The following TSHZ2 variants were observed in gnomAD, a reference collection of about 807,000 sequenced individuals.
The protein encoded by TSHZ2 is teashirt zinc finger homeobox 2.
In TSHZ2, 21 loss-of-function variants were observed where a neutral mutation model predicts 74.4. The observed-to-expected ratio is 0.28, with a 90% confidence interval of 0.20 to 0.41. TSHZ2 has a LOEUF of 0.41. Among genes scored for constraint, TSHZ2 ranks in the 10% least tolerant of loss-of-function variants. The pLI is 1.00. For missense variants in TSHZ2, 1,244 were observed against 1,293.5 expected (o/e 0.96, Z 0.59); for synonymous variants, 540 against 515.3 (o/e 1.05, Z -0.65).
chr20:53,419,709 C>T (rs1461888699), intron 2 of TSHZ2, among the ~76,000 whole-genome samples: 1 of 152,218 alleles, frequency 6.6e-6, no homozygotes, highest in Non-Finnish European at 1.5e-5. Context: ...ATAGCTATGA[C>T]CACTGGGAGA....
chr20:52,978,470 A>T (rs1187164364), intron 1 of TSHZ2, among the ~76,000 whole-genome samples: 1 of 152,196 alleles, frequency 6.6e-6, no homozygotes, highest in African/African-American at 2.4e-5. Context: ...AGACTCAGCC[A>T]CTATTTCGAA....
chr20:53,179,909 C>A (rs1988430082), intron 1 of TSHZ2, among the ~76,000 whole-genome samples: 1 of 152,174 alleles, frequency 6.6e-6, no homozygotes, highest in Admixed American at 6.5e-5. Context: ...CTCTGTTGTT[C>A]TCCTTTAAAA....
chr20:53,463,380 G>GA (rs1985441986), intron 2 of TSHZ2, among the ~76,000 whole-genome samples: 1 of 68,618 alleles, frequency 1.5e-5, no homozygotes. Flanking sequence ...CAGAGAGAGA[G>GA]AGGAAGGAAG....
At chr20:53,362,830 G>A (rs1417582070) in intron 2 of TSHZ2, among the ~76,000 whole-genome samples, 4 of 152,144 alleles carry the variant, frequency 2.6e-5, no homozygotes, top group Admixed American at 6.5e-5. Flanking sequence ...TGTAAATAAG[G>A]GATTTCAGGT....
At chr20:53,057,436 G>A (rs1984676688) in intron 1 of TSHZ2, among the ~76,000 whole-genome samples, 1 of 152,030 alleles carries the variant, frequency 6.6e-6, no homozygotes, top group Non-Finnish European at 1.5e-5. Context: ...CTTCCTTTGG[G>A]AGTTCCCATA....
chr20:53,245,678 T>C (rs1176041355), intron 1 of TSHZ2, among the ~76,000 whole-genome samples: 1 of 152,210 alleles, frequency 6.6e-6, no homozygotes, highest in Non-Finnish European at 1.5e-5. Flanking sequence ...AGAGCCTGCA[T>C]TTCTAACAAG....
intron 1 of TSHZ2, among the ~76,000 whole-genome samples, chr20:53,197,780 T>C (rs1471426334): frequency 1.3e-5 from 2 of 152,236 alleles, no homozygotes. Context: ...AACATTTGAA[T>C]TTCTGACCTT....
At chr20:53,003,255 G>GATGTGT (rs1555813843) in intron 1 of TSHZ2, among the ~76,000 whole-genome samples, 1 of 139,514 alleles carries the variant, frequency 7.2e-6, no homozygotes, top group Non-Finnish European at 1.5e-5. Flanking sequence ...CTCCAGGGAT[G>GATGTGT]GTGTGTGTGT....
At chr20:53,360,157 C>A (rs1980996931) in intron 2 of TSHZ2, among the ~76,000 whole-genome samples, 2 of 152,036 alleles carry the variant, frequency 1.3e-5, no homozygotes, top group South Asian at 4.2e-4. Context: ...ATCAAGATTT[C>A]CAAGTGAAGG....
At chr20:52,977,823 GGGAGCAGGGGC>G (rs1237894168) in intron 1 of TSHZ2, among the ~76,000 whole-genome samples, 11 of 152,198 alleles carry the variant, frequency 7.2e-5, no homozygotes, top group Non-Finnish European at 1.2e-4. Context: ...AACTCTGTAA[GGGAGCAGGGGC>G]TCCGGGAAAC....
chr20:53,430,711 G>A (rs1441386843), intron 2 of TSHZ2, among the ~76,000 whole-genome samples: 3 of 152,036 alleles, frequency 2.0e-5, no homozygotes, highest in Non-Finnish European at 2.9e-5. Context: ...TAAATAAAGC[G>A]AGAAATTTAG....
At chr20:53,266,151 A>T (rs943707700) in intron 2 of TSHZ2, among the ~76,000 whole-genome samples, 2 of 152,102 alleles carry the variant, frequency 1.3e-5, no homozygotes, top group African/African-American at 2.4e-5. Flanking sequence ...CTAACCCAGG[A>T]TGGGGGTCAA....
At chr20:53,298,122 C>A (rs1000888270) in intron 2 of TSHZ2, among the ~76,000 whole-genome samples, 1 of 152,114 alleles carries the variant, frequency 6.6e-6, no homozygotes, top group African/African-American at 2.4e-5. Context: ...GTAACCCCAC[C>A]CTTTTTGTTC....
In TSHZ2 at chr20:53,465,631, C is replaced by T. The variant is rs1448802476; in HGVS notation, c.*9-21513C>T. ...TGGTGACAGAAACCTGAGTTCAAAT[C>T]CCAGCTCTGCTACTTCCCAGGCATG... On this transcript the variant is annotated intron_variant, in intron 2 of 2. Transcript: ENST00000371497. Among the ~76,000 whole-genome samples the T allele has an allele frequency of 3.9e-5, 6 of 152,212 alleles. No individual in the cohort carries two copies. The East Asian group carries it at 1.2e-3, about 29-fold the overall frequency.
At chr20:53,182,825 G>T (rs1411938804) in intron 1 of TSHZ2, among the ~76,000 whole-genome samples, 1 of 152,084 alleles carries the variant, frequency 6.6e-6, no homozygotes, top group Non-Finnish European at 1.5e-5. Flanking sequence ...CAGGGATACA[G>T]CCTATGTGTG....
chr20:53,073,412 C>T (rs556773483), intron 1 of TSHZ2, among the ~76,000 whole-genome samples: 1 of 150,100 alleles, frequency 6.7e-6, no homozygotes, highest in African/African-American at 2.4e-5. Flanking sequence ...ATCCATCCCT[C>T]CATTCCTTCA....
chr20:53,339,143 T>C (rs906190652), intron 2 of TSHZ2, among the ~76,000 whole-genome samples: 2 of 152,092 alleles, frequency 1.3e-5, no homozygotes, highest in Non-Finnish European at 2.9e-5. Context: ...GCAGAAGAAA[T>C]CTAACATTCT....
At chr20:53,241,636 G>C (rs1331754604) in intron 1 of TSHZ2, among the ~76,000 whole-genome samples, 1 of 152,060 alleles carries the variant, frequency 6.6e-6, no homozygotes, top group Non-Finnish European at 1.5e-5. Context: ...GATTCTTCAT[G>C]ACTAGGTTTT....
At chr20:53,086,845 T>C (rs1209183103) in intron 1 of TSHZ2, among the ~76,000 whole-genome samples, 1 of 152,122 alleles carries the variant, frequency 6.6e-6, no homozygotes, top group Non-Finnish European at 1.5e-5. Flanking sequence ...AATGAACCAA[T>C]CAAATGTTCT....
Sources: allele counts gnomAD v4.1 joint callset (sites outside exome capture counted in the v4.1 genomes callset), GRCh38; gene constraint gnomAD v4.1.1; transcripts MANE v1.5; gene names NCBI Gene and HGNC (gene_info 2026-07-23, HGNC 2026-07-21).